DOCK4: variants seen among roughly 807,000 people sequenced by gnomAD.
DOCK4 encodes the protein dedicator of cytokinesis protein 4.
Under a neutral mutation model 268.1 loss-of-function variants are expected in DOCK4, and 97 were observed. That is an observed-to-expected ratio of 0.36 (90% confidence interval 0.31 to 0.43). The LOEUF (loss-of-function observed/expected upper bound fraction) is 0.43. Among genes scored for constraint, DOCK4 ranks in the 20% least tolerant of loss-of-function variants. The probability of loss-of-function intolerance (pLI) is 1.00; values close to 1 mark genes in which losing one functional copy is unlikely to be tolerated. For missense variants in DOCK4, 2,145 were observed against 2,455.7 expected, an observed-to-expected ratio of 0.87 and a Z score of 2.67; for synonymous variants, 954 against 887.2, an observed-to-expected ratio of 1.08 and a Z score of -1.34.
chr7:112,060,082 A>C (rs373735492), intron 1 of DOCK4, among the ~76,000 whole-genome samples: 1 of 152,236 alleles, frequency 6.6e-6, no homozygotes, highest in Non-Finnish European at 1.5e-5. Flanking sequence ...GACACACTTT[A>C]TACTTAGGGC....
At chr7:112,025,759 T>C (rs1802730272) in intron 1 of DOCK4, among the ~76,000 whole-genome samples, 1 of 152,164 alleles carries the variant, frequency 6.6e-6, no homozygotes, top group African/African-American at 2.4e-5. Flanking sequence ...ACCAGATCCT[T>C]GTAGTTCCTA....
In DOCK4 at chr7:111,954,355, C is replaced by T. The variant is rs575583084; in HGVS notation, c.702-8557G>A. ...GGTGTGCTGGCAGTTCTGCAGTGGC[C>T]GCTGGACTACGGGGCTTTGGTGCTT... is the stretch of plus-strand genomic sequence containing the variant. On this transcript the variant is annotated intron_variant, in intron 8 of 52. Coordinates refer to ENST00000428084, the MANE Select transcript of DOCK4 (RefSeq NM_001363540.2). Among the ~76,000 whole-genome samples the T allele has an allele frequency of 2.4e-4, 37 of 152,132 alleles. No homozygotes were observed. The South Asian group carries it at 4.4e-3, about 18-fold the overall frequency.
At chr7:112,184,680 C>T (rs1335059128) in intron 1 of DOCK4, among the ~76,000 whole-genome samples, 1 of 152,068 alleles carries the variant, frequency 6.6e-6, no homozygotes, top group African/African-American at 2.4e-5. Context: ...TGGTCACACG[C>T]CTTGGACACT....
chr7:111,794,982 C>T (rs1332206107), intron 30 of DOCK4, among the ~76,000 whole-genome samples: 1 of 152,106 alleles, frequency 6.6e-6, no homozygotes, highest in Admixed American at 6.5e-5. Flanking sequence ...AGAGTAAATG[C>T]AAGAAAGCCA....
intron 44 of DOCK4, 113 bp from the exon 45 acceptor site, chr7:111,742,245 T>G (rs967248251): frequency 1.1e-5 from 12 of 1,134,046 alleles, no homozygotes; most frequent in Non-Finnish European, 1.4e-5. Context: ...GCTAATCCTC[T>G]GCCTCTGACA....
At chr7:111,959,051 C>A (rs1796658531) in intron 8 of DOCK4, among the ~76,000 whole-genome samples, 1 of 152,098 alleles carries the variant, frequency 6.6e-6, no homozygotes, top group Non-Finnish European at 1.5e-5. Context: ...CATGCACCTG[C>A]TGGAACAATC....
intron 8 of DOCK4, among the ~76,000 whole-genome samples, chr7:111,970,889 G>T (rs920648255): frequency 6.6e-6 from 1 of 152,104 alleles, no homozygotes; most frequent in African/African-American, 2.4e-5. Context: ...CACTTTGCAG[G>T]CTTAACATAC....
At chr7:111,757,311 A>G (rs2133565311) in intron 41 of DOCK4, among the ~76,000 whole-genome samples, 1 of 152,230 alleles carries the variant, frequency 6.6e-6, no homozygotes, top group South Asian at 2.1e-4. Context: ...AGTACGGTGG[A>G]AAAAACAATG....
intron 36 of DOCK4, among the ~76,000 whole-genome samples, chr7:111,770,247 G>GA (rs113162169): frequency 0.051 from 7,602 of 148,482 alleles, 669 homozygotes; most frequent in African/African-American, 0.18. Context: ...AAAAGAAAAA[G>GA]AAAAAATCTA....
rs1491266241 is a variant in DOCK4, at chr7:111,974,492, A to ATATGTGTGTG, written c.701+2639_701+2640insCACACACATA. Among the ~76,000 whole-genome samples the ATATGTGTGTG allele has an allele frequency of 3.6e-5, 3 of 84,388 alleles. No individual in the cohort carries two copies. In the East Asian group the frequency reaches 1.0e-3, roughly 29 times the overall value. 55.4% of individuals were successfully genotyped at this position (84,388 alleles called of 152,430 possible). On this transcript the variant is annotated intron_variant, in intron 8 of 52. Transcript: ENST00000428084. The stretch of plus-strand genomic sequence containing the variant: ...AGATCAGGTGGCATATTGAAGAGGG[A>ATATGTGTGTG]TGTGTGTGTGTGTGTGTGTGTGTGT...
At chr7:111,880,926 A>C (rs896875033) in intron 16 of DOCK4, among the ~76,000 whole-genome samples, 6 of 152,218 alleles carry the variant, frequency 3.9e-5, no homozygotes, top group African/African-American at 1.4e-4. Context: ...ACAAAAATCA[A>C]ATCAAAATGG....
intron 26 of DOCK4, among the ~76,000 whole-genome samples, chr7:111,823,469 A>G (rs1198898399): frequency 2.0e-5 from 3 of 152,078 alleles, no homozygotes; most frequent in South Asian, 4.2e-4. Context: ...CGGCCTCCCA[A>G]AGTGCTGGGA....
At chr7:112,087,310 C>A (rs188777389) in intron 1 of DOCK4, among the ~76,000 whole-genome samples, 1 of 152,048 alleles carries the variant, frequency 6.6e-6, no homozygotes, top group Non-Finnish European at 1.5e-5. Flanking sequence ...GTAATACATA[C>A]CCCTGTTTTT....
Position 112,206,163 on chromosome 7 carries a change from A to T in DOCK4, c.-25T>A. The T allele has an allele frequency of 6.4e-7, 1 of 1,568,026 alleles. No individual in the cohort carries two copies. Among genetic ancestry groups the T allele is most frequent in the Non-Finnish European group, 8.7e-7 (1 of 1,155,950 alleles). On this transcript the variant is annotated 5_prime_UTR_variant, in exon 1 of 53. Transcript: ENST00000428084. ...TGGCTAAAGGGGCTCCGGGGTCTTC[A>T]GGCTTTGTAATCCCCGCGCCCCTTC... is the stretch of plus-strand genomic sequence containing the variant.
Position 111,989,177 on chromosome 7 carries a change from A to T in DOCK4, c.316-14T>A. On this transcript the variant is annotated splice_polypyrimidine_tract_variant and intron_variant, in intron 5 of 52. Transcript: ENST00000428084. Reference sequence around the variant, plus strand: ...GCCTTCATTACGCTAAGAAATATACAAATGTGGAGATTTGGCAGTCAGTAC... The same window carrying T: ...GCCTTCATTACGCTAAGAAATATACTAATGTGGAGATTTGGCAGTCAGTAC... 6.2e-7 allele frequency: 1 copy of T among 1,613,700 alleles called. No individual in the cohort carries two copies. The highest frequency in any genetic ancestry group is 1.3e-5 in the African/African-American group (1 of 75,028).
At chr7:112,049,679 C>T (rs1322161298) in intron 1 of DOCK4, among the ~76,000 whole-genome samples, 3 of 152,078 alleles carry the variant, frequency 2.0e-5, no homozygotes, top group Admixed American at 6.6e-5. Context: ...AGTTAACATG[C>T]TAACATTAGC....
chr7:112,135,611 C>T (rs957263719), intron 1 of DOCK4, among the ~76,000 whole-genome samples: 5 of 151,980 alleles, frequency 3.3e-5, no homozygotes, highest in South Asian at 2.1e-4. Context: ...ACTATCCTGC[C>T]GCCTTGATTA....
intron 30 of DOCK4, among the ~76,000 whole-genome samples, chr7:111,797,321 C>G (rs1399131064): frequency 1.3e-5 from 2 of 152,082 alleles, no homozygotes; most frequent in Admixed American, 6.5e-5. Flanking sequence ...TATTTGGGGC[C>G]CTTTTAAGTT....
chr7:111,925,768 T>C (rs1015562834), intron 12 of DOCK4, among the ~76,000 whole-genome samples: 19 of 152,102 alleles, frequency 1.2e-4, no homozygotes, highest in Non-Finnish European at 2.1e-4. Flanking sequence ...TAGATATACT[T>C]TCAAAACCAA....
Sources: allele counts gnomAD v4.1 joint callset (sites outside exome capture counted in the v4.1 genomes callset), GRCh38; gene constraint gnomAD v4.1.1; transcripts MANE v1.5; gene names NCBI Gene and HGNC (gene_info 2026-07-23, HGNC 2026-07-21).